Variants in TXNRD1 observed in about 807,000 individuals in gnomAD.
The protein encoded by TXNRD1 is thioredoxin reductase 1, also known as thioredoxin reductase 1, cytoplasmic.
Under a neutral mutation model 80.3 loss-of-function variants are expected in TXNRD1, and 57 were observed. The ratio of observed to expected loss-of-function variants is 0.71; its 90% CI spans 0.57 to 0.89. The LOEUF is 0.89. Among genes scored for constraint, TXNRD1 ranks in the 40% least tolerant of loss-of-function variants. The probability of loss-of-function intolerance (pLI) is 0.00; values close to 1 mark genes in which losing one functional copy is unlikely to be tolerated. For synonymous variants in TXNRD1, 291 were observed against 285.2 expected, an observed-to-expected ratio of 1.02 and a Z score of -0.20; for missense variants, 730 against 803.0, an observed-to-expected ratio of 0.91 and a Z score of 1.10.
At chr12:104,250,179 A>G (rs183908915) in intron 1 of TXNRD1, among the ~76,000 whole-genome samples, 238 of 152,270 alleles carry the variant, frequency 1.6e-3, no homozygotes, top group African/African-American at 5.3e-3. Flanking sequence ...TTTTCAACAA[A>G]TGGTGCTGAG....
At chr12:104,347,008 T>C (rs1418536185) in intron 16 of TXNRD1, among the ~76,000 whole-genome samples, 1 of 152,134 alleles carries the variant, frequency 6.6e-6, no homozygotes, top group Non-Finnish European at 1.5e-5. Context: ...GGCAGGAGAA[T>C]CGCTTGAACC....
chr12:104,309,694 T>A lies in TXNRD1; in HGVS notation c.415-1596T>A, dbSNP rs36057993. On this transcript the variant is annotated intron_variant, in intron 4 of 16. Transcript: ENST00000525566. Reference sequence around the variant, plus strand: ...AGACCCAGTAGGGAGTCACACTAGTTACTTGAAGCATAATTGATCCTTTGA... The same window carrying A: ...AGACCCAGTAGGGAGTCACACTAGTAACTTGAAGCATAATTGATCCTTTGA... The A allele has an allele frequency of 2.7e-3, 3,410 of 1,244,104 alleles. 70 individuals are homozygous for A. The African/African-American group carries it at 0.043, about 16-fold the overall frequency. The allele number at this position is 1,244,104 out of a possible 1,614,324, so 77.1% of individuals were successfully genotyped here.
chr12:104,286,652 A>G, intron 3 of TXNRD1: 2 of 849,704 alleles, frequency 2.4e-6, no homozygotes, highest in Non-Finnish European at 2.8e-6. Context: ...CAGAATGTCT[A>G]GGGGTGGGAG....
intron 7 of TXNRD1, among the ~76,000 whole-genome samples, chr12:104,317,488 T>G (rs2035372416): frequency 6.6e-6 from 1 of 152,128 alleles, no homozygotes; most frequent in Non-Finnish European, 1.5e-5. Flanking sequence ...ATAAATCAAT[T>G]TTTTGTGCTG....
chr12:104,325,871 CAAA>C (rs34788892), intron 11 of TXNRD1, among the ~76,000 whole-genome samples: 19 of 130,008 alleles, frequency 1.5e-4, no homozygotes, highest in African/African-American at 8.7e-5. Context: ...GACTCCATCT[CAAA>C]AAAAAAAAAA....
chr12:104,262,864 T>G (rs542341478), intron 3 of TXNRD1, among the ~76,000 whole-genome samples: 1 of 152,134 alleles, frequency 6.6e-6, no homozygotes, highest in African/African-American at 2.4e-5. Context: ...GGATTGGTAA[T>G]GGAGTGAGTG....
At chr12:104,257,319 A>AAAG (rs1195690434) in intron 2 of TXNRD1, among the ~76,000 whole-genome samples, 2 of 152,096 alleles carry the variant, frequency 1.3e-5, no homozygotes, top group East Asian at 3.8e-4. Flanking sequence ...CTCAGCCAAA[A>AAAG]AAGAAATAAT....
intron 15 of TXNRD1, among the ~76,000 whole-genome samples, chr12:104,335,122 C>T (rs1299977444): frequency 6.6e-6 from 1 of 151,790 alleles, no homozygotes; most frequent in Non-Finnish European, 1.5e-5. Context: ...GTAGTCCTCC[C>T]ACAGATATAC....
intron 1 of TXNRD1, among the ~76,000 whole-genome samples, chr12:104,218,280 T>C (rs1380946429): frequency 2.0e-5 from 3 of 152,054 alleles, no homozygotes; most frequent in Admixed American, 6.6e-5. Context: ...CGCCTCAGCC[T>C]CCCAAAGTGC....
chr12:104,329,620 C>A (rs577744291), intron 13 of TXNRD1, among the ~76,000 whole-genome samples: 15 of 151,846 alleles, frequency 9.9e-5, no homozygotes, highest in Non-Finnish European at 1.6e-4. Flanking sequence ...TGCAGTCCAG[C>A]CTGGGCATCA....
rs772927490 is a variant in TXNRD1, at chr12:104,311,278, A to T, written c.415-12A>T. ...AAGTTAAATTATTTTCTCTTCTGTTATTTTTCTTTAGGCTTATCAGGAGGG... is the reference window on the plus strand; with the variant it reads ...AAGTTAAATTATTTTCTCTTCTGTTTTTTTTCTTTAGGCTTATCAGGAGGG... On this transcript the variant is annotated splice_polypyrimidine_tract_variant and intron_variant, in intron 4 of 16. Transcript: ENST00000525566. 1.3e-6 allele frequency: 2 copies of T among 1,568,028 alleles called. No homozygotes were observed. Among genetic ancestry groups the T allele is most frequent in the African/African-American group, 2.7e-5 (2 of 73,428 alleles).
intron 3 of TXNRD1, chr12:104,265,236 G>C (rs2033449790): frequency 7.4e-7 from 1 of 1,345,232 alleles, no homozygotes; most frequent in South Asian, 1.3e-5. Context: ...TGGTGACAGA[G>C]TGAGACTCCG....
At chr12:104,321,411 A>G in intron 10 of TXNRD1, 95 bp downstream of exon 10, 2 of 976,724 alleles carry the variant, frequency 2.0e-6, no homozygotes, top group Non-Finnish European at 3.1e-6. Context: ...TTTCAGCATT[A>G]TAAACCATCA....
chr12:104,228,297 A>C (rs1315756072), intron 1 of TXNRD1, among the ~76,000 whole-genome samples: 1 of 75,578 alleles, frequency 1.3e-5, no homozygotes, highest in Admixed American at 1.5e-4. Flanking sequence ...GCAAAACTCC[A>C]TCTCAAAAAA....
At chr12:104,244,979 T>C (rs2032945766) in intron 1 of TXNRD1, among the ~76,000 whole-genome samples, 1 of 152,208 alleles carries the variant, frequency 6.6e-6, no homozygotes, top group Admixed American at 6.5e-5. Flanking sequence ...TGAGTATTGA[T>C]AGGCCTGTGG....
At chr12:104,301,492 C>G (rs1044721900) in intron 4 of TXNRD1, among the ~76,000 whole-genome samples, 1 of 152,174 alleles carries the variant, frequency 6.6e-6, no homozygotes, top group African/African-American at 2.4e-5. Flanking sequence ...CGCCTGCAAC[C>G]ACGCCCGGCT....
At chr12:104,259,351 A>G (rs1231797616) in intron 3 of TXNRD1, among the ~76,000 whole-genome samples, 1 of 150,596 alleles carries the variant, frequency 6.6e-6, no homozygotes, top group Non-Finnish European at 1.5e-5. Flanking sequence ...ACAGCATTCC[A>G]GCCTGGGTGA....
In TXNRD1 at chr12:104,244,139, T is replaced by C. The variant is rs149155344; in HGVS notation, c.92-7388T>C. ...TCTCCAAAGAGATAAGTATCAGTTA[T>C]ATAGCTCTCTAAGCAATGTGTAGAC... On this transcript the variant is annotated intron_variant, in intron 1 of 16. Coordinates refer to ENST00000525566, the MANE Select transcript of TXNRD1 (RefSeq NM_001093771.3). 3.2e-4 allele frequency among the ~76,000 whole-genome samples: 49 copies of C among 152,356 alleles called. No homozygotes were observed. In the East Asian group the frequency reaches 7.3e-3, roughly 23 times the overall value.
At chr12:104,253,756 T>C (rs2033181972) in intron 2 of TXNRD1, among the ~76,000 whole-genome samples, 1 of 151,756 alleles carries the variant, frequency 6.6e-6, no homozygotes, top group African/African-American at 2.4e-5. Context: ...TGCAGTGGTG[T>C]GATCTCGGCT....
Sources: allele counts gnomAD v4.1 joint callset (sites outside exome capture counted in the v4.1 genomes callset), GRCh38; gene constraint gnomAD v4.1.1; transcripts MANE v1.5; gene names NCBI Gene and HGNC (gene_info 2026-07-23, HGNC 2026-07-21).